The following PRR14L variants were observed in gnomAD, a reference collection of about 807,000 sequenced individuals.
PRR14L encodes proline rich 14 like.
A neutral mutation model predicts 155.0 loss-of-function variants in PRR14L; 80 were observed. The ratio of observed to expected loss-of-function variants is 0.52; its 90% CI spans 0.43 to 0.62. The LOEUF is 0.62. Among genes scored for constraint, PRR14L ranks in the 20% least tolerant of loss-of-function variants. PRR14L has a pLI of 0.00. For synonymous variants in PRR14L, 883 were observed against 916.0 expected (o/e 0.96, Z 0.65); for missense variants, 2,469 against 2,548.0 (o/e 0.97, Z 0.67).
In PRR14L at chr22:31,716,711, C is replaced by T; in HGVS notation, c.1128G>A (p.Lys376=). The change falls in exon 4 of 9, where the codon AAG becomes AAA. Residue 376 remains lysine, a synonymous_variant. Transcript: ENST00000327423. ...CCCTATAAAAATAAGAACTGTCTGT[C>T]TTTTCAGCAGATCTCTTTAGCAAAC... ...GGGLLKRSAE[K]TDSSYFYRGD... is the part of the protein sequence containing the mutation. 6.4e-7 allele frequency: 1 copy of T among 1,551,802 alleles called. No individual in the cohort carries two copies.
intron 7 of PRR14L, among the ~76,000 whole-genome samples, chr22:31,690,651 TTTTTC>T (rs950141586): frequency 1.3e-5 from 2 of 151,886 alleles, no homozygotes; most frequent in African/African-American, 2.4e-5. Context: ...TTTTTTTTTT[TTTTTC>T]TTTGAGACGG....
Position 31,717,053 on chromosome 22 carries a change from T to A in PRR14L, c.786A>T (p.Leu262Phe). ...CTTTTTCTTTAGGAGTTGCTTCTGTTAATACAGGGTCCACAAAGGTTAAAG... is the reference window on the plus strand; with the variant it reads ...CTTTTTCTTTAGGAGTTGCTTCTGTAAATACAGGGTCCACAAAGGTTAAAG... ...PEPLTFVDPVLTEATPKEKEC... is the reference protein window; with the variant it reads ...PEPLTFVDPVFTEATPKEKEC... The change falls in exon 4 of 9, where the codon TTA becomes TTT. Residue 262 changes from leucine to phenylalanine, a missense_variant. By Grantham distance (22) the Leu-to-Phe change is conservative (BLOSUM62 0). This residue lies in a region of PRR14L where 2,363 missense variants were observed against 2,371.6 expected (regional missense o/e 1.00). Coordinates refer to ENST00000327423, the MANE Select transcript of PRR14L (RefSeq NM_173566.3). The A allele has an allele frequency of 1.9e-6, 3 of 1,551,896 alleles. No homozygotes were observed. The highest frequency in any genetic ancestry group is 2.6e-6 in the Non-Finnish European group (3 of 1,147,012).
intron 8 of PRR14L, among the ~76,000 whole-genome samples, chr22:31,687,101 G>A (rs995084805): frequency 2.2e-4 from 33 of 152,174 alleles, no homozygotes; most frequent in Non-Finnish European, 4.1e-4. Context: ...GCAATGGCGC[G>A]ATCTCGGCTC....
rs1268940214 is a variant in PRR14L at position 31,717,237 on chromosome 22, C to G, written c.602G>C (p.Gly201Ala). ...ETLLKSAEVQ[G>A]MKVNGTKTDN... Reference sequence around the variant, plus strand: ...CGTCTTAGTCCCATTGACCTTCATACCTTGTACTTCGGCGGATTTTAGCAG... The same window carrying G: ...CGTCTTAGTCCCATTGACCTTCATAGCTTGTACTTCGGCGGATTTTAGCAG... Residue 201 changes from glycine to alanine, a missense_variant, in exon 4 of 9, where the codon GGT (glycine) becomes GCT (alanine). Gly to Ala is a moderately conservative substitution (Grantham distance 60). This residue lies in a region of PRR14L where 2,363 missense variants were observed against 2,371.6 expected (regional missense o/e 1.00). Transcript: ENST00000327423. 5 of 1,551,578 alleles carry G rather than the reference C, an allele frequency of 3.2e-6. No individual in the cohort carries two copies. The highest frequency in any genetic ancestry group is 4.4e-6 in the Non-Finnish European group (5 of 1,146,958).
chr22:31,725,740 C>T (rs2074713334), intron 2 of PRR14L, 130 bp from the exon 3 acceptor site: 1 of 605,204 alleles, frequency 1.7e-6, no homozygotes, highest in Non-Finnish European at 2.9e-6. Flanking sequence ...TAGATCGTGG[C>T]TCACTGCAAC....
Position 31,714,470 on chromosome 22 carries a change from C to T in PRR14L, c.3369G>A (p.Val1123=), listed in dbSNP as rs1192542697. The part of the protein sequence containing the change: ...SDFPVTAAST[V]DFLKIKKSCE... ...ATGATTTTTTTATTTTGAGAAAGTC[C>T]ACTGTAGAAGCAGCAGTAACTGGGA... The change falls in exon 4 of 9, where the codon GTG becomes GTA. Residue 1123 remains valine, a synonymous_variant. Transcript: ENST00000327423. The T allele has an allele frequency of 6.4e-7, 1 of 1,551,820 alleles. No homozygotes were observed. Among genetic ancestry groups the T allele is most frequent in the Non-Finnish European group, 8.7e-7 (1 of 1,147,058 alleles).
At position 31,725,860 on chromosome 22, in the gene PRR14L, C is replaced by T. The variant is rs141544773; in HGVS notation, c.475-250G>A. 1.1e-4 allele frequency among the ~76,000 whole-genome samples: 17 copies of T among 151,936 alleles called. No homozygotes were observed. In the East Asian group the frequency reaches 2.7e-3, roughly 24 times the overall value. On this transcript the variant is annotated intron_variant, in intron 2 of 8. Coordinates refer to ENST00000327423, the MANE Select transcript of PRR14L (RefSeq NM_173566.3). ...ATTTTTGTATTTCTACTACAGACAGCGTTTCACCATGTTGGCCAGGCTGGT... is the reference window on the plus strand; with the variant it reads ...ATTTTTGTATTTCTACTACAGACAGTGTTTCACCATGTTGGCCAGGCTGGT...
intron 1 of PRR14L, among the ~76,000 whole-genome samples, chr22:31,745,851 A>ATAT (rs1363174406): frequency 5.7e-4 from 82 of 142,844 alleles, no homozygotes; most frequent in East Asian, 4.2e-3. Context: ...TTTAAAAAAA[A>ATAT]AAAAAAAAAA....
rs1348569689 is a variant in PRR14L, at chr22:31,715,157, A to C, written c.2682T>G (p.Ser894Arg). 1.2e-5 allele frequency: 18 copies of C among 1,551,784 alleles called. No individual in the cohort carries two copies. In the East Asian group the frequency reaches 4.4e-4, roughly 38 times the overall value. The change falls in exon 4 of 9, where the codon AGT becomes AGG. Residue 894 changes from serine (S) to arginine (R), a missense_variant. By Grantham distance (110) the Ser-to-Arg change is moderately radical. Transcript: ENST00000327423. ...GISNKTIHTSSSIKLSEEGLE... is the reference protein window; with the variant it reads ...GISNKTIHTSRSIKLSEEGLE... ...GCCCTTCCTCACTGAGTTTGATGCT[A>C]CTGGAGGTGTGAATGGTTTTGTTTG...
chr22:31,710,455 G>C (rs543573602), intron 4 of PRR14L, among the ~76,000 whole-genome samples: 1 of 151,448 alleles, frequency 6.6e-6, no homozygotes, highest in South Asian at 2.1e-4. Context: ...GCTCTTTAGG[G>C]ATTCTTTTTT....
rs1444371657 is a variant in PRR14L at position 31,704,731 on chromosome 22, A to T, written c.5757-5T>A. 6.2e-7 allele frequency: 1 copy of T among 1,613,486 alleles called. No individual in the cohort carries two copies. The highest frequency in any genetic ancestry group is 1.3e-5 in the African/African-American group (1 of 75,038). On this transcript the variant is annotated splice_region_variant and splice_polypyrimidine_tract_variant and intron_variant, in intron 4 of 8. Coordinates refer to ENST00000327423, the MANE Select transcript of PRR14L (RefSeq NM_173566.3). The stretch of plus-strand genomic sequence containing the variant: ...ACATATGGTAACATGGTGTGGCTAA[A>T]GTAAAGCAAAAGTACAAAAGCAATA...
chr22:31,721,914 A>C (rs955850240), intron 3 of PRR14L, among the ~76,000 whole-genome samples: 5 of 152,146 alleles, frequency 3.3e-5, no homozygotes, highest in African/African-American at 1.2e-4. Context: ...AAAATAATGC[A>C]CTGAGGGGAG....
chr22:31,725,706 G>A (rs1339721993), intron 2 of PRR14L, 96 bp from the exon 3 acceptor site: 7 of 784,598 alleles, frequency 8.9e-6, no homozygotes, highest in Non-Finnish European at 1.4e-5. Context: ...GAGTCTTGCT[G>A]TTCCCAGACT....
At chr22:31,735,742 A>T (rs8138306) in intron 2 of PRR14L, among the ~76,000 whole-genome samples, 2,290 of 151,742 alleles carry the variant, frequency 0.015, 97 homozygotes, top group African/African-American at 0.054. Context: ...TACCTATTTA[A>T]CTGTATTTTT....
intron 1 of PRR14L, among the ~76,000 whole-genome samples, chr22:31,748,750 C>G (rs1270518417): frequency 1.3e-5 from 2 of 152,194 alleles, no homozygotes; most frequent in African/African-American, 4.8e-5. Flanking sequence ...GTGATACCTT[C>G]TGTGGACAAA....
Position 31,689,533 on chromosome 22 carries a change from C to T in PRR14L, c.6108-1306G>A, listed in dbSNP as rs551111408. 1.1e-4 allele frequency among the ~76,000 whole-genome samples: 17 copies of T among 152,228 alleles called. No homozygotes were observed. In the South Asian group the frequency reaches 2.3e-3, roughly 20 times the overall value. On this transcript the variant is annotated intron_variant, in intron 7 of 8. Transcript: ENST00000327423. ...ACAATTCAGTGATTTTTAAAACATT[C>T]GCAAGGTTATTCCTGATCACCACTA... is the stretch of plus-strand genomic sequence containing the variant.
chr22:31,734,212 C>T (rs1273009067), intron 2 of PRR14L, among the ~76,000 whole-genome samples: 2 of 152,096 alleles, frequency 1.3e-5, no homozygotes, highest in Non-Finnish European at 2.9e-5. Context: ...ACCTCATCAT[C>T]CTCCCGCCTC....
intron 3 of PRR14L, among the ~76,000 whole-genome samples, chr22:31,722,925 A>G (rs1162033971): frequency 6.6e-6 from 1 of 152,200 alleles, no homozygotes; most frequent in African/African-American, 2.4e-5. Context: ...ACTACAGAAG[A>G]GAACGTGGGT....
chr22:31,714,583 G>A lies in PRR14L; in HGVS notation c.3256C>T (p.Leu1086=). 6.4e-7 allele frequency: 1 copy of A among 1,551,894 alleles called. No homozygotes were observed. Among genetic ancestry groups the A allele is most frequent in the South Asian group, 1.2e-5 (1 of 84,064 alleles). Residue 1086 remains leucine, a synonymous_variant, in exon 4 of 9, where the codon CTG becomes TTG. Transcript: ENST00000327423. Reference sequence around the variant, plus strand: ...CTCCTGGAGTCCTCTTGAAATGCCAGTTTCTCTTGCCTTGCACCACAATCC... The same window carrying A: ...CTCCTGGAGTCCTCTTGAAATGCCAATTTCTCTTGCCTTGCACCACAATCC... ...LLDCGARQEK[L]AFQEDSRSTL... is the part of the protein sequence containing the mutation.
Sources: gnomAD v4.1 joint callset for allele counts (sites outside exome capture counted in the v4.1 genomes callset) on GRCh38, gnomAD v4.1.1 for gene constraint, gnomAD v4.1.1 regional missense constraint, MANE v1.5 for transcripts, NCBI Gene and HGNC (gene_info 2026-07-23, HGNC 2026-07-21) for gene names.